Variants in GRM8 observed in about 807,000 individuals in gnomAD.
GRM8 encodes metabotropic glutamate receptor 8.
GRM8 carries 47 observed loss-of-function variants against 87.2 expected under a neutral mutation model. The ratio of observed to expected loss-of-function variants is 0.54; its 90% CI spans 0.43 to 0.69. The LOEUF (loss-of-function observed/expected upper bound fraction) is 0.69. Among genes scored for constraint, GRM8 ranks in the 30% least tolerant of loss-of-function variants. The pLI is 0.00. For synonymous variants in GRM8, 396 were observed against 404.5 expected (o/e 0.98, Z 0.25); for missense variants, 1,019 against 1,139.2 (o/e 0.89, Z 1.52).
chr7:126,584,692 A>G (rs1449067484), intron 8 of GRM8, among the ~76,000 whole-genome samples: 1 of 152,154 alleles, frequency 6.6e-6, no homozygotes, highest in Non-Finnish European at 1.5e-5. Flanking sequence ...TCTTCATCAA[A>G]AAGTGCTTTT....
At chr7:126,871,339 T>C (rs1383152023) in intron 6 of GRM8, among the ~76,000 whole-genome samples, 1 of 152,240 alleles carries the variant, frequency 6.6e-6, no homozygotes, top group Non-Finnish European at 1.5e-5. Context: ...TAGTTAACAA[T>C]GTTAAGTACT....
At chr7:127,053,995 C>T (rs987910162) in intron 3 of GRM8, among the ~76,000 whole-genome samples, 8 of 152,116 alleles carry the variant, frequency 5.3e-5, no homozygotes, top group African/African-American at 1.9e-4. Context: ...GTAGATACTT[C>T]TTAACTGGTA....
chr7:126,570,870 C>A (rs898141151), intron 8 of GRM8, among the ~76,000 whole-genome samples: 1 of 152,192 alleles, frequency 6.6e-6, no homozygotes, highest in Non-Finnish European at 1.5e-5. Flanking sequence ...GATCCCCAAA[C>A]CTTGGCTTTT....
chr7:126,681,509 C>T (rs945135273), intron 7 of GRM8, among the ~76,000 whole-genome samples: 3 of 152,224 alleles, frequency 2.0e-5, no homozygotes, highest in Non-Finnish European at 2.9e-5. Flanking sequence ...AGAAAAAGTA[C>T]TATCCATGCA....
intron 3 of GRM8, among the ~76,000 whole-genome samples, chr7:127,082,688 T>A (rs956555976): frequency 6.6e-6 from 1 of 152,222 alleles, no homozygotes; most frequent in Non-Finnish European, 1.5e-5. Flanking sequence ...ACTGCGTAAA[T>A]GTTTCCTCGA....
At chr7:126,771,605 A>T (rs1818847377) in intron 6 of GRM8, among the ~76,000 whole-genome samples, 1 of 152,108 alleles carries the variant, frequency 6.6e-6, no homozygotes, top group South Asian at 2.1e-4. Flanking sequence ...CATTAGATCA[A>T]TTTATAATAA....
chr7:127,168,137 T>G (rs1307730286), intron 2 of GRM8, among the ~76,000 whole-genome samples: 1 of 152,098 alleles, frequency 6.6e-6, no homozygotes, highest in African/African-American at 2.4e-5. Context: ...ATCCAGAATC[T>G]ACAAAGAACT....
At chr7:126,748,407 TGAAATAAAGA>T (rs1179511917) in intron 7 of GRM8, among the ~76,000 whole-genome samples, 2 of 151,952 alleles carry the variant, frequency 1.3e-5, no homozygotes, top group Non-Finnish European at 2.9e-5. Flanking sequence ...ATCAAAAATA[TGAAATAAAGA>T]GAAATTTAAC....
At chr7:126,491,582 G>A (rs896997439) in intron 9 of GRM8, among the ~76,000 whole-genome samples, 1 of 151,928 alleles carries the variant, frequency 6.6e-6, no homozygotes, top group Non-Finnish European at 1.5e-5. Flanking sequence ...AAGTAATGGG[G>A]CCTCATACAA....
At chr7:127,203,204 A>G (rs891168032) in intron 2 of GRM8, among the ~76,000 whole-genome samples, 1 of 152,222 alleles carries the variant, frequency 6.6e-6, no homozygotes. Context: ...ATCGTTAGGA[A>G]ACCAAGTGAT....
intron 7 of GRM8, among the ~76,000 whole-genome samples, chr7:126,769,511 G>A (rs1818590010): frequency 2.0e-5 from 3 of 151,986 alleles, no homozygotes; most frequent in Admixed American, 2.0e-4. Context: ...AAAACAAAAT[G>A]TCTACAATCT....
intron 3 of GRM8, among the ~76,000 whole-genome samples, chr7:127,011,063 A>G (rs932415132): frequency 3.9e-5 from 6 of 152,096 alleles, no homozygotes; most frequent in African/African-American, 1.2e-4. Context: ...ATTTTCTCAC[A>G]TATTATCTCT....
intron 3 of GRM8, among the ~76,000 whole-genome samples, chr7:126,944,115 T>A (rs1298035084): frequency 6.6e-6 from 1 of 152,198 alleles, no homozygotes; most frequent in Non-Finnish European, 1.5e-5. Context: ...CAAAATCAGA[T>A]GTTAAGCCTG....
At chr7:126,763,163 T>G (rs1027536883) in intron 7 of GRM8, among the ~76,000 whole-genome samples, 10 of 151,430 alleles carry the variant, frequency 6.6e-5, no homozygotes, top group Non-Finnish European at 1.2e-4. Flanking sequence ...TGATAATTTG[T>G]AATATCCAAG....
At chr7:126,650,763 T>G (rs1038916044) in intron 7 of GRM8, among the ~76,000 whole-genome samples, 4 of 151,752 alleles carry the variant, frequency 2.6e-5, no homozygotes, top group African/African-American at 9.7e-5. Flanking sequence ...AATAATCAAG[T>G]GGACAGGATA....
At chr7:127,082,821 A>C (rs1469237587) in intron 3 of GRM8, among the ~76,000 whole-genome samples, 1 of 152,250 alleles carries the variant, frequency 6.6e-6, no homozygotes, top group Non-Finnish European at 1.5e-5. Context: ...GAACATTGTT[A>C]ACCTTGTTTA....
At chr7:126,558,479 G>A (rs1793374732) in intron 8 of GRM8, among the ~76,000 whole-genome samples, 1 of 152,192 alleles carries the variant, frequency 6.6e-6, no homozygotes, top group South Asian at 2.1e-4. Context: ...TCTGTATGCT[G>A]TTTCCAGGAC....
intron 7 of GRM8, among the ~76,000 whole-genome samples, chr7:126,639,092 T>A (rs1401370862): frequency 6.6e-6 from 1 of 152,220 alleles, no homozygotes; most frequent in African/African-American, 2.4e-5. Context: ...AAAATGCGTA[T>A]CTGTCTTTTC....
intron 3 of GRM8, among the ~76,000 whole-genome samples, chr7:126,922,234 ACAT>A (rs1049642376): frequency 1.8e-4 from 28 of 152,280 alleles, no homozygotes; most frequent in African/African-American, 6.5e-4. Flanking sequence ...ATTAACTGCA[ACAT>A]CAAATGCAGA....
Sources: allele counts gnomAD v4.1 joint callset (sites outside exome capture counted in the v4.1 genomes callset), GRCh38; gene constraint gnomAD v4.1.1; transcripts MANE v1.5; gene names NCBI Gene and HGNC (gene_info 2026-07-23, HGNC 2026-07-21).